Variants in ACOD1 observed in about 807,000 individuals in gnomAD.
ACOD1 encodes the protein aconitate decarboxylase 1, also known as cis-aconitate decarboxylase.
Under a neutral mutation model 14.2 loss-of-function variants are expected in ACOD1, and 14 were observed. The observed-to-expected ratio is 0.99, with a 90% CI of 0.65 to 1.54. The LOEUF is 1.54. Among genes scored for constraint, ACOD1 ranks in the 40% most tolerant of loss-of-function variants. ACOD1 has a pLI of 0.00. For synonymous variants in ACOD1, 182 were observed against 221.7 expected (o/e 0.82, Z 1.59); for missense variants, 530 against 586.3 (o/e 0.90, Z 0.99).
At position 76,948,527 on chromosome 13, in the gene ACOD1, C is replaced by T. The variant is rs1399129408; in HGVS notation, c.-32C>T. 2.6e-6 allele frequency: 4 copies of T among 1,544,330 alleles called. No individual in the cohort carries two copies. The highest frequency in any genetic ancestry group is 3.5e-6 in the Non-Finnish European group (4 of 1,142,372). ...AAACAAATTACTCCTCTGGTTCACT[C>T]CTCCTGAACTGAACCTCTTCTTTAC... On this transcript the variant is annotated 5_prime_UTR_variant, in exon 1 of 5. Transcript: ENST00000377462.
At chr13:76,953,850 T>G (rs1014639505) in intron 3 of ACOD1, among the ~76,000 whole-genome samples, 161 bp downstream of exon 3, 2 of 152,216 alleles carry the variant, frequency 1.3e-5, no homozygotes, top group African/African-American at 4.8e-5. Flanking sequence ...GTAATTCAGT[T>G]TTCATGTTTT....
rs915933039 is a variant in ACOD1, at chr13:76,957,742, C to T, written c.1203C>T (p.Arg401=). The T allele has an allele frequency of 1.2e-5, 18 of 1,550,700 alleles. No homozygotes were observed. The highest frequency in any genetic ancestry group is 5.9e-5 in the Admixed American group (3 of 51,012). The stretch of plus-strand genomic sequence containing the variant: ...AGGATGGAGCCACCTTCACAGATCG[C>T]TCTGATACCTTCTATGGGCACTGGA... ...TLKDGATFTD[R]SDTFYGHWRK... is the part of the protein sequence containing the mutation. The change falls in exon 5 of 5, where the codon CGC becomes CGT. Residue 401 remains arginine, a synonymous_variant. Transcript: ENST00000377462.
Position 76,953,585 on chromosome 13 carries a change from T to C in ACOD1, c.175-15T>C. On this transcript the variant is annotated splice_polypyrimidine_tract_variant and intron_variant, in intron 2 of 4. Transcript: ENST00000377462. Reference sequence around the variant, plus strand: ...TGTATTCACACTATCACTGGTTGATTTGCTTTTGTTCCAGATCTACAGTTC... The same window carrying C: ...TGTATTCACACTATCACTGGTTGATCTGCTTTTGTTCCAGATCTACAGTTC... 1.3e-6 allele frequency: 2 copies of C among 1,488,846 alleles called. No homozygotes were observed. The highest frequency in any genetic ancestry group is 1.8e-6 in the Non-Finnish European group (2 of 1,091,182). The allele number at this position is 1,488,846 out of a possible 1,614,324, so 92.2% of individuals were successfully genotyped here. A position where few individuals can be genotyped will look rare whatever the true frequency, so the allele number is the denominator to read the frequency against.
rs1226446104 is a variant in ACOD1 at position 76,955,377 on chromosome 13, T to A, written c.323T>A (p.Val108Asp). 7.7e-6 allele frequency: 12 copies of A among 1,550,650 alleles called. 1 individual carries two copies. The highest frequency in any genetic ancestry group is 1.7e-4 in the Middle Eastern group (1 of 5,992). The part of the protein sequence containing the change: ...WHPATHPSGA[V>D]LPVLTALAEA... ...CCTGCCACCCACCCTTCTGGGGCTGTCCTTCCTGTCCTCACAGCTTTAGCA... is the reference window on the plus strand; with the variant it reads ...CCTGCCACCCACCCTTCTGGGGCTGACCTTCCTGTCCTCACAGCTTTAGCA... Residue 108 changes from valine to aspartate, a missense_variant, in exon 4 of 5, where the codon GTC becomes GAC. By Grantham distance (152) the Val-to-Asp change is radical (BLOSUM62 -3). Transcript: ENST00000377462.
At chr13:76,953,033 G>T (rs1235514404) in intron 2 of ACOD1, among the ~76,000 whole-genome samples, 1 of 152,164 alleles carries the variant, frequency 6.6e-6, no homozygotes, top group Non-Finnish European at 1.5e-5. Flanking sequence ...CAGCTACTCG[G>T]GAGGCTGAGA....
At chr13:76,953,549 AC>A in intron 2 of ACOD1, 50 bp from the exon 3 acceptor site, 4 of 1,023,450 alleles carry the variant, frequency 3.9e-6, no homozygotes, top group Non-Finnish European at 6.0e-6. Context: ...TGAAATGGTG[AC>A]TTGGTATACT....
chr13:76,955,624 A>C (rs1426956614), intron 4 of ACOD1, 100 bp downstream of exon 4: 60 of 1,028,410 alleles, frequency 5.8e-5, no homozygotes, highest in Non-Finnish European at 5.1e-5. Context: ...GGTTCAGAGG[A>C]AGATGTTAAC....
chr13:76,956,237 CTG>C (rs1269676841), intron 4 of ACOD1, among the ~76,000 whole-genome samples: 5 of 152,200 alleles, frequency 3.3e-5, no homozygotes, highest in Admixed American at 6.6e-5. Context: ...GAGTCTCGCT[CTG>C]TTGCCAGGCT....
At chr13:76,949,950 T>C (rs547856992) in intron 1 of ACOD1, among the ~76,000 whole-genome samples, 1 of 152,298 alleles carries the variant, frequency 6.6e-6, no homozygotes, top group East Asian at 1.9e-4. Context: ...CTCCCAGCCA[T>C]CTTCTCTCCT....
intron 1 of ACOD1, among the ~76,000 whole-genome samples, chr13:76,950,959 C>T (rs1007661698): frequency 2.0e-5 from 3 of 152,138 alleles, no homozygotes; most frequent in African/African-American, 7.2e-5. Context: ...TCTCTCACAC[C>T]TCCCAGCCTT....
Position 76,957,923 on chromosome 13 carries a change from T to G in ACOD1, c.1384T>G (p.Ser462Ala). The change falls in exon 5 of 5, where the codon TCT becomes GCT. Residue 462 changes from serine (S) to alanine (A), a missense_variant. Coordinates refer to ENST00000377462, the MANE Select transcript of ACOD1 (RefSeq NM_001258406.2). ...GTTAACTACACTTCTCAAAGGACCC[T>G]CTCCACCAGAGGTAGCTTCAAACTC... ...SVLTTLLKGP[S>A]PPEVASNSPA... 1 of 1,549,432 alleles carries G rather than the reference T, an allele frequency of 6.5e-7. No homozygotes were observed. Among genetic ancestry groups the G allele is most frequent in the East Asian group, 2.4e-5 (1 of 40,916 alleles).
chr13:76,955,741 C>T (rs897255671), intron 4 of ACOD1, among the ~76,000 whole-genome samples: 5 of 152,168 alleles, frequency 3.3e-5, no homozygotes, highest in African/African-American at 1.2e-4. Flanking sequence ...ATTAATTGGG[C>T]CTCTCGTTGC....
rs138681467 is a variant in ACOD1 at position 76,957,395 on chromosome 13, G to A, written c.856G>A (p.Ala286Thr). ...TTTATCTACCCACTGGGTGGCAGAC[G>A]CAGCTGCATCTGTGAGAAAGCACCT... ...AHLSTHWVADAAASVRKHLVA... is the reference protein window; with the variant it reads ...AHLSTHWVADTAASVRKHLVA... Residue 286 changes from alanine to threonine, a missense_variant, in exon 5 of 5, where the codon GCA (alanine) becomes ACA (threonine). By Grantham distance (58) the Ala-to-Thr change is moderately conservative. Transcript: ENST00000377462. The A allele has an allele frequency of 2.2e-5, 34 of 1,550,656 alleles. No individual in the cohort carries two copies. The highest frequency in any genetic ancestry group is 2.0e-4 in the East Asian group (8 of 40,926).
Position 76,956,287 on chromosome 13 carries a change from C to T in ACOD1, c.471-723C>T, listed in dbSNP as rs531343655. Among the ~76,000 whole-genome samples, 31 of 152,244 alleles carry T rather than the reference C, an allele frequency of 2.0e-4. No individual in the cohort carries two copies. In the South Asian group the frequency reaches 5.8e-3, roughly 29 times the overall value. ...TGTAATCTTGGCTCATTGCAACCTC[C>T]GCCTCCTGGGTTCAAGTGATTCTCC... On this transcript the variant is annotated intron_variant, in intron 4 of 4. Transcript: ENST00000377462.
chr13:76,953,031 C>T lies in ACOD1; in HGVS notation c.174+381C>T, dbSNP rs548780760. Reference sequence around the variant, plus strand: ...GCACACGCCTATAGTCCCAGCTACTCGGGAGGCTGAGAGGTGGGAGGATCA... The same window carrying T: ...GCACACGCCTATAGTCCCAGCTACTTGGGAGGCTGAGAGGTGGGAGGATCA... On this transcript the variant is annotated intron_variant, in intron 2 of 4. Coordinates refer to ENST00000377462, the MANE Select transcript of ACOD1 (RefSeq NM_001258406.2). 5.3e-4 allele frequency among the ~76,000 whole-genome samples: 80 copies of T among 152,160 alleles called. No individual in the cohort carries two copies. The South Asian group carries it at 0.013, about 25-fold the overall frequency.
At chr13:76,952,097 G>C (rs1278827964) in intron 1 of ACOD1, among the ~76,000 whole-genome samples, 1 of 152,126 alleles carries the variant, frequency 6.6e-6, no homozygotes, top group Non-Finnish European at 1.5e-5. Flanking sequence ...ACAGTGCCTG[G>C]CAGGTGTCTC....
chr13:76,953,694 G>A lies in ACOD1; in HGVS notation c.264+5G>A, dbSNP rs1481361420. On this transcript the variant is annotated splice_donor_5th_base_variant and intron_variant, in intron 3 of 4. Transcript: ENST00000377462. ...GCTTTTGTGAACGGTGTGGCTGTAA[G>A]GAGGTTTTCACGTCTTTTCAACTAT... 2 of 1,524,984 alleles carry A rather than the reference G, an allele frequency of 1.3e-6. No homozygotes were observed. The highest frequency in any genetic ancestry group is 1.8e-6 in the Non-Finnish European group (2 of 1,124,192). 94.5% of individuals were successfully genotyped at this position (1,524,984 alleles called of 1,614,324 possible).
At chr13:76,952,722 C>G (rs1295639161) in intron 2 of ACOD1, 72 bp downstream of exon 2, 1 of 1,297,718 alleles carries the variant, frequency 7.7e-7, no homozygotes, top group South Asian at 1.5e-5. Context: ...CTCTATACTT[C>G]GTTTTATAGA....
intron 1 of ACOD1, among the ~76,000 whole-genome samples, chr13:76,950,654 T>C (rs1337854731): frequency 6.6e-6 from 1 of 152,160 alleles, no homozygotes; most frequent in Non-Finnish European, 1.5e-5. Flanking sequence ...TCTTGGCCAA[T>C]GGCACTGCCA....
Sources: allele counts gnomAD v4.1 joint callset (sites outside exome capture counted in the v4.1 genomes callset), GRCh38; gene constraint gnomAD v4.1.1; transcripts MANE v1.5; gene names NCBI Gene and HGNC (gene_info 2026-07-23, HGNC 2026-07-21).